Variants in SNX25 observed in about 807,000 individuals in gnomAD.
The protein encoded by SNX25 is sorting nexin 25.
In SNX25, 62 loss-of-function variants were observed where a neutral mutation model predicts 113.7. That is an observed-to-expected ratio of 0.55 (90% CI 0.44 to 0.67). The LOEUF (loss-of-function observed/expected upper bound fraction) is 0.67, where lower values mean the gene tolerates loss of function less well. Ranked by LOEUF, SNX25 falls within the 30% of genes least tolerant of loss-of-function variation. SNX25 has a pLI of 0.00. For missense variants in SNX25, 1,014 were observed against 1,161.0 expected, an observed-to-expected ratio of 0.87 and a Z score of 1.84; for synonymous variants, 421 against 436.2, an observed-to-expected ratio of 0.97 and a Z score of 0.43.
intron 12 of SNX25, among the ~76,000 whole-genome samples, chr4:185,345,733 A>G (rs2095282520): frequency 6.6e-6 from 1 of 152,034 alleles, no homozygotes. Context: ...CAAGGCTGCC[A>G]TGAGCCATGA....
intron 3 of SNX25, 143 bp from the exon 4 acceptor site, chr4:185,264,295 G>A: frequency 1.3e-6 from 1 of 781,270 alleles, no homozygotes; most frequent in Non-Finnish European, 2.0e-6. Flanking sequence ...CAGATGAGTT[G>A]ATGGTTGAGG....
At chr4:185,262,682 G>A (rs1355266162) in intron 3 of SNX25, among the ~76,000 whole-genome samples, 3 of 152,122 alleles carry the variant, frequency 2.0e-5, no homozygotes, top group South Asian at 4.1e-4. Flanking sequence ...CTACTTTTTG[G>A]TGTAGGTGGG....
chr4:185,312,369 A>T (rs985926272), intron 7 of SNX25, among the ~76,000 whole-genome samples: 1 of 152,142 alleles, frequency 6.6e-6, no homozygotes, highest in East Asian at 1.9e-4. Context: ...TCAAAAGATG[A>T]TATGCTTTTA....
chr4:185,294,495 A>T (rs1270006537), intron 6 of SNX25, among the ~76,000 whole-genome samples: 4 of 152,218 alleles, frequency 2.6e-5, no homozygotes, highest in Non-Finnish European at 4.4e-5. Context: ...GGTCTTGGAC[A>T]TCCTGGATTT....
At chr4:185,204,532 C>T (rs1737101351) in intron 1 of SNX25, 2 of 152,194 alleles carry the variant, frequency 1.3e-5, no homozygotes, top group South Asian at 4.1e-4. Flanking sequence ...ACAATAACTT[C>T]TCGTTGAACT....
intron 6 of SNX25, among the ~76,000 whole-genome samples, chr4:185,306,557 G>A (rs1393776547): frequency 6.6e-6 from 1 of 152,190 alleles, no homozygotes; most frequent in Non-Finnish European, 1.5e-5. Flanking sequence ...TAAAAAGAAT[G>A]TAATGGTTGG....
At chr4:185,246,772 C>A (rs751716877) in intron 1 of SNX25, among the ~76,000 whole-genome samples, 1 of 152,138 alleles carries the variant, frequency 6.6e-6, no homozygotes, top group African/African-American at 2.4e-5. Context: ...TTTAGAGAAG[C>A]CTTTTCCATT....
rs10007629 is a variant in SNX25 at position 185,356,786 on chromosome 4, G to A, written c.2585-885G>A. Among the ~76,000 whole-genome samples, 640 of 152,188 alleles carry A rather than the reference G, an allele frequency of 4.2e-3. 2 individuals carry two copies. Among genetic ancestry groups the A allele is most frequent in the African/African-American group, 0.015 (606 of 41,534 alleles). On this transcript the variant is annotated intron_variant, in intron 15 of 18. Transcript: ENST00000652585. ...CTGAGTCTGAATTTCTTATTTCCTC[G>A]TATGTCAGTAGCCAAACACTTCAAT...
intron 1 of SNX25, among the ~76,000 whole-genome samples, chr4:185,240,349 A>G (rs1180351018): frequency 2.0e-5 from 3 of 151,552 alleles, no homozygotes; most frequent in East Asian, 2.0e-4. Context: ...GCGGCCGGGC[A>G]GAGGCGCCTC....
At chr4:185,316,781 T>G (rs1447090798) in intron 7 of SNX25, among the ~76,000 whole-genome samples, 11 of 152,196 alleles carry the variant, frequency 7.2e-5, no homozygotes, top group Admixed American at 7.2e-4. Context: ...CTGGAGTTGT[T>G]GGCCCATCTT....
chr4:185,309,410 G>T (rs150633371), intron 6 of SNX25, among the ~76,000 whole-genome samples: 1 of 152,162 alleles, frequency 6.6e-6, no homozygotes, highest in Non-Finnish European at 1.5e-5. Flanking sequence ...GAGGGACATC[G>T]TAAAAAGAGC....
At chr4:185,220,939 C>T (rs938493352) in intron 1 of SNX25, among the ~76,000 whole-genome samples, 2 of 152,158 alleles carry the variant, frequency 1.3e-5, no homozygotes, top group African/African-American at 2.4e-5. Flanking sequence ...TCATGGCTCA[C>T]CGCAGCATCA....
chr4:185,352,262 C>T (rs953475597), intron 14 of SNX25, among the ~76,000 whole-genome samples: 2 of 152,228 alleles, frequency 1.3e-5, no homozygotes, highest in Non-Finnish European at 1.5e-5. Context: ...GGCCCTCTAG[C>T]AAATTGCACA....
At chr4:185,338,083 T>C (rs981280411) in intron 10 of SNX25, among the ~76,000 whole-genome samples, 2 of 152,170 alleles carry the variant, frequency 1.3e-5, no homozygotes, top group East Asian at 1.9e-4. Flanking sequence ...GTCAGAGAGG[T>C]GATTTGCAGA....
chr4:185,359,700 CCTT>C (rs1185846284), intron 16 of SNX25, among the ~76,000 whole-genome samples: 2 of 152,124 alleles, frequency 1.3e-5, no homozygotes, highest in Non-Finnish European at 2.9e-5. Context: ...CCCAAAATGG[CCTT>C]CTTTTTCTCA....
intron 8 of SNX25, 116 bp downstream of exon 8, chr4:185,320,980 TATA>T: frequency 1.2e-5 from 10 of 826,950 alleles, no homozygotes; most frequent in Non-Finnish European, 1.6e-5. Context: ...TTAAACCAAA[TATA>T]ATACTGACAT....
chr4:185,237,273 C>A (rs1742782710), intron 1 of SNX25, among the ~76,000 whole-genome samples: 1 of 152,106 alleles, frequency 6.6e-6, no homozygotes, highest in African/African-American at 2.4e-5. Context: ...TTCTTTAGTT[C>A]ATGGTTCAGC....
upstream of SNX25, among the ~76,000 whole-genome samples, chr4:185,206,206 C>T (rs1737179821): frequency 6.6e-6 from 1 of 152,152 alleles, no homozygotes; most frequent in Admixed American, 6.5e-5. Flanking sequence ...TACTTATGCA[C>T]CCATGTTCAT....
intron 5 of SNX25, among the ~76,000 whole-genome samples, chr4:185,273,450 A>G (rs1348886236): frequency 6.6e-6 from 1 of 152,110 alleles, no homozygotes; most frequent in Non-Finnish European, 1.5e-5. Flanking sequence ...CTGATATTTG[A>G]TGTATGTACA....
Sources: gnomAD v4.1 joint callset for allele counts (sites outside exome capture counted in the v4.1 genomes callset) on GRCh38, gnomAD v4.1.1 for gene constraint, MANE v1.5 for transcripts, NCBI Gene and HGNC (gene_info 2026-07-23, HGNC 2026-07-21) for gene names.